The following ADGRG1 variants were observed in gnomAD, a reference collection of about 807,000 sequenced individuals.
ADGRG1 encodes the protein 7-transmembrane protein with no EGF-like N-terminal domains-1.
In ADGRG1, 53 loss-of-function variants were observed where a neutral mutation model predicts 73.5. The ratio of observed to expected loss-of-function variants is 0.72; its 90% CI spans 0.58 to 0.91. The LOEUF (loss-of-function observed/expected upper bound fraction) is 0.91. ADGRG1 is among the 40% of genes least tolerant of loss of function. The probability of loss-of-function intolerance (pLI) is 0.00; values close to 1 mark genes in which losing one functional copy is unlikely to be tolerated. For missense variants in ADGRG1, 795 were observed against 871.8 expected, an observed-to-expected ratio of 0.91 and a Z score of 1.11; for synonymous variants, 394 against 374.4, an observed-to-expected ratio of 1.05 and a Z score of -0.60.
chr16:57,658,184 G>A (rs933736051), intron 10 of ADGRG1, among the ~76,000 whole-genome samples: 13 of 152,184 alleles, frequency 8.5e-5, no homozygotes, highest in African/African-American at 3.1e-4. Flanking sequence ...GAGAGCACTG[G>A]GTGGACACAA....
At chr16:57,652,713 C>A (rs756385905) in intron 3 of ADGRG1, 81 of 1,009,818 alleles carry the variant, frequency 8.0e-5, no homozygotes, top group Non-Finnish European at 9.4e-5. Flanking sequence ...TACCCTCCAA[C>A]CCCCACTGTT....
chr16:57,640,759 T>C (rs950560037), intron 1 of ADGRG1: 1 of 358,970 alleles, frequency 2.8e-6, no homozygotes, highest in African/African-American at 2.2e-5. Context: ...CAGCCAGTGA[T>C]CCAGGACCTC....
chr16:57,646,376 G>A, intron 1 of ADGRG1: 1 of 985,414 alleles, frequency 1.0e-6, no homozygotes, highest in Non-Finnish European at 1.2e-6. Context: ...TGGGGTGGGG[G>A]TCTCAGCTCA....
chr16:57,627,793 C>A, upstream of ADGRG1: 1 of 985,376 alleles, frequency 1.0e-6, no homozygotes, highest in East Asian at 1.1e-4. Context: ...CCTCCTGACT[C>A]GAGAAGGGCA....
At chr16:57,662,013 G>A in intron 13 of ADGRG1, 48 bp downstream of exon 13, 1 of 1,461,926 alleles carries the variant, frequency 6.8e-7, no homozygotes, top group Non-Finnish European at 9.6e-7. Flanking sequence ...TCTACACATG[G>A]AGCAAGGGCA....
At chr16:57,661,405 G>A in intron 12 of ADGRG1, 1 of 985,356 alleles carries the variant, frequency 1.0e-6, no homozygotes, top group Non-Finnish European at 1.2e-6. Context: ...GCCTGGGAAG[G>A]AATCCTTCCC....
intron 1 of ADGRG1, chr16:57,639,819 T>C: frequency 1.1e-6 from 1 of 905,944 alleles, no homozygotes; most frequent in South Asian, 5.1e-5. Context: ...CCTTTATCTT[T>C]TTCCTCTCCC....
chr16:57,631,606 C>A, intron 1 of ADGRG1: 2 of 985,524 alleles, frequency 2.0e-6, no homozygotes, highest in Non-Finnish European at 2.4e-6. Flanking sequence ...CGCCTTCTGA[C>A]TCACAGCAGA....
chr16:57,637,651 G>A (rs1388015342), intron 1 of ADGRG1: 2 of 985,274 alleles, frequency 2.0e-6, no homozygotes, highest in Admixed American at 1.2e-4. Context: ...CAAAAATAGG[G>A]CCTGAATGGG....
intron 10 of ADGRG1, among the ~76,000 whole-genome samples, chr16:57,657,848 T>C (rs1567798435): frequency 6.6e-6 from 1 of 152,062 alleles, no homozygotes; most frequent in Non-Finnish European, 1.5e-5. Flanking sequence ...TTCAAGTGAT[T>C]CTTGTGCCTC....
chr16:57,636,009 C>A (rs1360827498), intron 1 of ADGRG1: 23 of 985,384 alleles, frequency 2.3e-5, no homozygotes, highest in African/African-American at 1.2e-4. Flanking sequence ...TCGGGACACA[C>A]CCCACCCCCA....
chr16:57,628,054 A>G, upstream of ADGRG1: 1 of 916,532 alleles, frequency 1.1e-6, no homozygotes, highest in Non-Finnish European at 1.2e-6. Flanking sequence ...CTGAGAGGGG[A>G]GACGGGTCAC....
chr16:57,634,194 G>C lies in ADGRG1; in HGVS notation c.-36+5392G>C, dbSNP rs867908096. The C allele has an allele frequency of 1.1e-5, 11 of 985,260 alleles. No homozygotes were observed. In the South Asian group the frequency reaches 5.2e-4, roughly 46 times the overall value. 61.0% of individuals were successfully genotyped at this position (985,260 alleles called of 1,614,324 possible). On this transcript the variant is annotated intron_variant, in intron 1 of 13. Transcript: ENST00000562631. ...TAGGCTGAGCAGCTGACCCCTTCTG[G>C]GTCCTTGGCTGAGTCTGGGCCTCAG...
At chr16:57,642,425 G>C in intron 1 of ADGRG1, 1 of 985,272 alleles carries the variant, frequency 1.0e-6, no homozygotes, top group Non-Finnish European at 1.2e-6. Flanking sequence ...GGGGAAGGGA[G>C]GGGAGGGGGC....
At chr16:57,625,914 T>A (rs2035746545), upstream of ADGRG1, among the ~76,000 whole-genome samples, 1 of 152,224 alleles carries the variant, frequency 6.6e-6, no homozygotes, top group South Asian at 2.1e-4. Flanking sequence ...CCCTTCCTGC[T>A]GGTCTCTGTT....
chr16:57,633,385 C>A, intron 1 of ADGRG1: 1 of 985,412 alleles, frequency 1.0e-6, no homozygotes. Flanking sequence ...CTGTGAAAGT[C>A]TCTGATACCT....
chr16:57,620,701 C>A (rs1752127148), upstream of ADGRG1: 1 of 152,208 alleles, frequency 6.6e-6, no homozygotes, highest in Non-Finnish European at 1.5e-5. Context: ...TCCCCTGCTC[C>A]CCCCAGCTGC....
At chr16:57,646,272 GCCGTGGGTCCCCACTGC>G in intron 1 of ADGRG1, 1 of 570,340 alleles carries the variant, frequency 1.8e-6, no homozygotes, top group South Asian at 7.6e-5. Flanking sequence ...GAGAAAGCGA[GCCGTGGGTCCCCACTGC>G]CCACCGTGCA....
At chr16:57,639,317 G>A (rs541410347) in intron 1 of ADGRG1, 86 of 985,538 alleles carry the variant, frequency 8.7e-5, no homozygotes, top group East Asian at 2.3e-4. Context: ...GACAAGTTAC[G>A]GAGCCACGTT....
Sources: gnomAD v4.1 joint callset for allele counts (sites outside exome capture counted in the v4.1 genomes callset) on GRCh38, gnomAD v4.1.1 for gene constraint, MANE v1.5 for transcripts, NCBI Gene and HGNC (gene_info 2026-07-23, HGNC 2026-07-21) for gene names.